CDK14: variants seen among roughly 807,000 people sequenced by gnomAD.
CDK14 encodes cyclin dependent kinase 14.
A neutral mutation model predicts 60.7 loss-of-function variants in CDK14; 34 were observed. The ratio of observed to expected loss-of-function variants is 0.56; its 90% CI spans 0.43 to 0.75. The LOEUF (loss-of-function observed/expected upper bound fraction) is 0.75. Among genes scored for constraint, CDK14 ranks in the 30% least tolerant of loss-of-function variants. The pLI is 0.00. For synonymous variants in CDK14, 197 were observed against 203.7 expected, an observed-to-expected ratio of 0.97 and a Z score of 0.28; for missense variants, 482 against 564.1, an observed-to-expected ratio of 0.85 and a Z score of 1.47.
At chr7:91,144,792 A>G (rs1800575619) in intron 14 of CDK14, among the ~76,000 whole-genome samples, 2 of 152,202 alleles carry the variant, frequency 1.3e-5, no homozygotes, top group Admixed American at 1.3e-4. Flanking sequence ...TGTTAAAAAC[A>G]ATGTGAAGAA....
intron 2 of CDK14, chr7:90,608,480 A>G (rs970616892): frequency 2.6e-6 from 2 of 782,752 alleles, no homozygotes; most frequent in Non-Finnish European, 3.1e-6. Flanking sequence ...TCTCATGGGT[A>G]AATTAAAAGG....
chr7:91,023,198 G>T (rs988530208), intron 10 of CDK14, among the ~76,000 whole-genome samples: 2 of 152,096 alleles, frequency 1.3e-5, no homozygotes, highest in Admixed American at 1.3e-4. Flanking sequence ...TGATGTTCAT[G>T]TCAAGACTTG....
At chr7:90,786,925 C>T (rs1805608130) in intron 4 of CDK14, among the ~76,000 whole-genome samples, 1 of 23,874 alleles carries the variant, frequency 4.2e-5, no homozygotes, top group Non-Finnish European at 9.4e-5. Context: ...GACCCTGTCT[C>T]CAAAAAAAAA....
At chr7:90,629,239 A>G (rs148770356) in intron 2 of CDK14, among the ~76,000 whole-genome samples, 1 of 152,246 alleles carries the variant, frequency 6.6e-6, no homozygotes, top group Non-Finnish European at 1.5e-5. Context: ...GAATTTTAGT[A>G]GTTCACAAAC....
chr7:90,659,808 G>T (rs1800824975), intron 2 of CDK14, among the ~76,000 whole-genome samples: 1 of 149,924 alleles, frequency 6.7e-6, no homozygotes, highest in South Asian at 2.1e-4. Flanking sequence ...GGTTTTTGGA[G>T]GGGATGGAAT....
intron 9 of CDK14, chr7:90,979,700 A>G (rs1261645347): frequency 6.6e-6 from 1 of 152,232 alleles, no homozygotes; most frequent in Non-Finnish European, 1.5e-5. Flanking sequence ...GTCATGCTAG[A>G]GGAAAGTCTA....
intron 2 of CDK14, among the ~76,000 whole-genome samples, chr7:90,664,926 A>T (rs1228677748): frequency 1.3e-5 from 2 of 152,110 alleles, no homozygotes; most frequent in Admixed American, 6.6e-5. Context: ...GTACTGTAAA[A>T]CTTAAAGTAT....
intron 9 of CDK14, among the ~76,000 whole-genome samples, chr7:90,964,723 T>C (rs1248134245): frequency 1.3e-5 from 2 of 152,224 alleles, no homozygotes; most frequent in Non-Finnish European, 2.9e-5. Flanking sequence ...CGACACTATC[T>C]ACTAAGTAGG....
chr7:91,144,768 G>A (rs922634640), intron 14 of CDK14, among the ~76,000 whole-genome samples: 13 of 152,102 alleles, frequency 8.5e-5, no homozygotes, highest in African/African-American at 2.2e-4. Flanking sequence ...AGATATTGGC[G>A]GGCTTGGAAA....
intron 10 of CDK14, among the ~76,000 whole-genome samples, chr7:91,000,262 G>C (rs1795802455): frequency 6.6e-6 from 1 of 152,128 alleles, no homozygotes; most frequent in Non-Finnish European, 1.5e-5. Context: ...TGTGTTTAGT[G>C]TTCAAAACCC....
intron 9 of CDK14, among the ~76,000 whole-genome samples, chr7:90,958,156 G>T (rs541061527): frequency 3.4e-4 from 51 of 152,150 alleles, no homozygotes; most frequent in African/African-American, 1.1e-3. Context: ...TGATGTTTTT[G>T]ATCCAAAAAC....
intron 1 of CDK14, among the ~76,000 whole-genome samples, chr7:90,601,877 C>G (rs1799320822): frequency 6.6e-6 from 1 of 152,064 alleles, no homozygotes; most frequent in Admixed American, 6.5e-5. Context: ...CTCAGCCTCC[C>G]GAATAGCTGG....
chr7:90,750,764 T>C (rs1330743452), intron 4 of CDK14, among the ~76,000 whole-genome samples: 1 of 151,744 alleles, frequency 6.6e-6, no homozygotes, highest in Non-Finnish European at 1.5e-5. Flanking sequence ...TCTCAGCTAC[T>C]CCAGAGGCTG....
intron 2 of CDK14, among the ~76,000 whole-genome samples, chr7:90,701,863 C>T (rs982247182): frequency 3.3e-5 from 5 of 152,300 alleles, no homozygotes; most frequent in Middle Eastern, 3.4e-3. Context: ...CTCTATGCTA[C>T]CCTCATCTCC....
chr7:90,744,378 A>G (rs1045660628), intron 3 of CDK14, among the ~76,000 whole-genome samples: 1 of 152,250 alleles, frequency 6.6e-6, no homozygotes. Flanking sequence ...TTCTTAGTAC[A>G]GAACAAAATG....
At chr7:91,197,280 G>A (rs1019576322) in intron 14 of CDK14, among the ~76,000 whole-genome samples, 1 of 151,840 alleles carries the variant, frequency 6.6e-6, no homozygotes, top group Non-Finnish European at 1.5e-5. Flanking sequence ...TGTGCCTGTA[G>A]TCCCAGCTAC....
intron 14 of CDK14, among the ~76,000 whole-genome samples, chr7:91,198,728 T>C (rs1802627471): frequency 6.6e-6 from 1 of 152,196 alleles, no homozygotes; most frequent in Non-Finnish European, 1.5e-5. Context: ...TTCCGCTAAA[T>C]AAGATGGTTC....
chr7:90,704,617 ATCAC>A (rs1394023451), intron 2 of CDK14, among the ~76,000 whole-genome samples: 1 of 152,180 alleles, frequency 6.6e-6, no homozygotes, highest in African/African-American at 2.4e-5. Context: ...TTGTGATAGA[ATCAC>A]CTATGTTTAT....
At chr7:90,605,706 C>T (rs367708786) in intron 2 of CDK14, among the ~76,000 whole-genome samples, 2 of 152,066 alleles carry the variant, frequency 1.3e-5, no homozygotes, top group South Asian at 2.1e-4. Context: ...CCTGTTACCC[C>T]GATACAACAA....
Sources: allele counts gnomAD v4.1 joint callset (sites outside exome capture counted in the v4.1 genomes callset), GRCh38; gene constraint gnomAD v4.1.1; transcripts MANE v1.5; gene names NCBI Gene and HGNC (gene_info 2026-07-23, HGNC 2026-07-21).